The following ABCC1 variants were observed in gnomAD, a reference collection of about 807,000 sequenced individuals.
ABCC1 encodes the protein ATP binding cassette subfamily C member 1 (ABCC1 blood group), also known as multidrug resistance-associated protein 1.
A neutral mutation model predicts 172.9 loss-of-function variants in ABCC1; 83 were observed. The observed-to-expected ratio is 0.48, with a 90% CI of 0.40 to 0.58. The LOEUF (loss-of-function observed/expected upper bound fraction) is 0.58, where lower values mean the gene tolerates loss of function less well. ABCC1 is among the 20% of genes least tolerant of loss of function. The pLI, the probability that ABCC1 is intolerant of heterozygous loss-of-function variation, is 0.00. For synonymous variants in ABCC1, 937 were observed against 825.2 expected, an observed-to-expected ratio of 1.14 and a Z score of -2.32; for missense variants, 1,817 against 2,002.7, an observed-to-expected ratio of 0.91 and a Z score of 1.77.
At chr16:15,978,784 C>T (rs1398219704) in intron 1 of ABCC1, among the ~76,000 whole-genome samples, 5 of 151,892 alleles carry the variant, frequency 3.3e-5, no homozygotes, top group African/African-American at 1.2e-4. Flanking sequence ...TCTCAGAGGA[C>T]GTTCATTGAT....
chr16:16,047,858 G>A (rs2049278021), intron 9 of ABCC1, among the ~76,000 whole-genome samples: 1 of 129,676 alleles, frequency 7.7e-6, no homozygotes, highest in African/African-American at 3.0e-5. Flanking sequence ...AAACCCGGCC[G>A]CATGTGTGCA....
chr16:15,990,835 T>TTG (rs1948284988), intron 1 of ABCC1, among the ~76,000 whole-genome samples: 1 of 149,474 alleles, frequency 6.7e-6, no homozygotes, highest in African/African-American at 2.5e-5. Flanking sequence ...TTTTTTTTTT[T>TTG]TGCATTTTTA....
At position 16,106,971 on chromosome 16, in the gene ABCC1, C is replaced by T. The variant is rs2052149621; in HGVS notation, c.2871+98C>T. The T allele has an allele frequency of 8.0e-6, 12 of 1,498,302 alleles. No individual in the cohort carries two copies. The South Asian group carries it at 1.3e-4, about 17-fold the overall frequency. The allele number at this position is 1,498,302 out of a possible 1,614,324, so 92.8% of individuals were successfully genotyped here. ...AAAGTGCCTTGTCTATGTTAACTCA[C>T]CTGTCCATCACAACACACCTGTGAA... On this transcript the variant is annotated intron_variant, in intron 21 of 30. Transcript: ENST00000399410.
intron 16 of ABCC1, among the ~76,000 whole-genome samples, chr16:16,081,165 G>A (rs1015820815): frequency 3.9e-5 from 6 of 152,276 alleles, no homozygotes; most frequent in African/African-American, 1.4e-4. Context: ...ACCGCTCCTG[G>A]CCTAGTTAAT....
intron 12 of ABCC1, among the ~76,000 whole-genome samples, chr16:16,067,210 A>G (rs570946524): frequency 6.6e-6 from 1 of 152,288 alleles, no homozygotes; most frequent in South Asian, 2.1e-4. Context: ...TGATTGCACC[A>G]CTGCACCCAG....
intron 5 of ABCC1, among the ~76,000 whole-genome samples, chr16:16,029,033 A>G (rs527648510): frequency 6.6e-6 from 1 of 152,168 alleles, no homozygotes; most frequent in South Asian, 2.1e-4. Context: ...GGCACTTAAC[A>G]AACTCCTTAG....
intron 1 of ABCC1, among the ~76,000 whole-genome samples, chr16:15,980,295 A>G (rs765396224): frequency 1.9e-4 from 29 of 152,140 alleles, no homozygotes; most frequent in Non-Finnish European, 3.8e-4. Flanking sequence ...GCTTGAGCCC[A>G]GGAGTTCGAG....
rs2045681260 is a variant in ABCC1 at position 16,131,751 on chromosome 16, T to G, written c.3820-38T>G. The G allele has an allele frequency of 2.5e-6, 4 of 1,603,924 alleles. No homozygotes were observed. In the East Asian group the frequency reaches 8.9e-5, roughly 36 times the overall value. On this transcript the variant is annotated intron_variant, in intron 26 of 30. Transcript: ENST00000399410. ...GGAGTCACAGCTTTACCAGATGGAC[T>G]GGAAATTCCTTACTCTCTCCCTTCA...
chr16:16,071,538 G>A (rs559566541), intron 13 of ABCC1, 104 bp from the exon 14 acceptor site: 15 of 802,094 alleles, frequency 1.9e-5, no homozygotes, highest in Admixed American at 1.7e-4. Context: ...AAGGGAGGGT[G>A]TGTGCCCCTC....
intron 19 of ABCC1, among the ~76,000 whole-genome samples, chr16:16,100,597 A>G (rs995822966): frequency 6.6e-6 from 1 of 152,198 alleles, no homozygotes; most frequent in African/African-American, 2.4e-5. Flanking sequence ...GTTAGTTTAG[A>G]CAAAACAAAA....
Position 16,040,450 on chromosome 16 carries a change from G to C in ABCC1, c.809+3847G>C, listed in dbSNP as rs545307845. On this transcript the variant is annotated intron_variant, in intron 7 of 30. Transcript: ENST00000399410. ...TTACAGGAATGTACCACCATGCCCGGCTAATTGTGTATTTTTAGTAGAGAT... is the reference window on the plus strand; with the variant it reads ...TTACAGGAATGTACCACCATGCCCGCCTAATTGTGTATTTTTAGTAGAGAT... Among the ~76,000 whole-genome samples, 7 of 151,894 alleles carry C rather than the reference G, an allele frequency of 4.6e-5. No homozygotes were observed. The East Asian group carries it at 1.4e-3, about 29-fold the overall frequency.
intron 26 of ABCC1, among the ~76,000 whole-genome samples, chr16:16,127,731 T>C (rs765980412): frequency 1.9e-4 from 29 of 152,162 alleles, no homozygotes; most frequent in Non-Finnish European, 3.7e-4. Flanking sequence ...TCTGTCCTCC[T>C]GAGGAATTCA....
intron 1 of ABCC1, among the ~76,000 whole-genome samples, chr16:15,968,791 T>C (rs2046303555): frequency 6.6e-6 from 1 of 152,130 alleles, no homozygotes; most frequent in African/African-American, 2.4e-5. Flanking sequence ...GGCACGATCA[T>C]GGCCCACTGC....
chr16:16,027,127 A>G (rs905773605), intron 5 of ABCC1, among the ~76,000 whole-genome samples: 1 of 152,104 alleles, frequency 6.6e-6, no homozygotes, highest in African/African-American at 2.4e-5. Context: ...AGGCTGAAGA[A>G]GACTGGATTT....
chr16:16,082,145 T>C (rs2050829505), intron 16 of ABCC1, among the ~76,000 whole-genome samples: 1 of 152,250 alleles, frequency 6.6e-6, no homozygotes. Flanking sequence ...TCGATGTTCC[T>C]GTCACGCTGG....
intron 15 of ABCC1, among the ~76,000 whole-genome samples, chr16:16,078,008 AT>A (rs1361044940): frequency 2.0e-5 from 3 of 152,152 alleles, no homozygotes; most frequent in Non-Finnish European, 4.4e-5. Flanking sequence ...AAATACAAAA[AT>A]TAGCTGGATG....
intron 7 of ABCC1, among the ~76,000 whole-genome samples, chr16:16,039,600 G>A (rs140007965): frequency 7.9e-4 from 120 of 152,122 alleles, no homozygotes; most frequent in African/African-American, 2.4e-3. Flanking sequence ...GTGGTCAAAG[G>A]TTCTACCCAG....
In ABCC1 at chr16:15,949,826, G is replaced by A. The variant is rs1431529167; in HGVS notation, c.48+27G>A. The stretch of plus-strand genomic sequence containing the variant: ...TACGTGCCGGGGGCCGCGTGAGGCC[G>A]GCGGGACGGAGGGAGGCCGGCGGGG... On this transcript the variant is annotated intron_variant, in intron 1 of 30. Transcript: ENST00000399410. The A allele has an allele frequency of 4.2e-6, 5 of 1,192,232 alleles. No homozygotes were observed. The East Asian group carries it at 1.1e-4, about 25-fold the overall frequency. 73.9% of individuals were successfully genotyped at this position (1,192,232 alleles called of 1,614,324 possible).
intron 1 of ABCC1, among the ~76,000 whole-genome samples, chr16:15,956,119 A>G (rs2045991984): frequency 6.6e-6 from 1 of 152,160 alleles, no homozygotes; most frequent in Admixed American, 6.5e-5. Flanking sequence ...CATGCCTGTA[A>G]TCTCAGCACT....
Sources: allele counts gnomAD v4.1 joint callset (sites outside exome capture counted in the v4.1 genomes callset), GRCh38; gene constraint gnomAD v4.1.1; transcripts MANE v1.5; gene names NCBI Gene and HGNC (gene_info 2026-07-23, HGNC 2026-07-21).